CHMP5: variants seen among roughly 807,000 people sequenced by gnomAD.
The protein encoded by CHMP5 is SNF7 domain containing 2.
A neutral mutation model predicts 33.0 loss-of-function variants in CHMP5; 17 were observed. The ratio of observed to expected loss-of-function variants is 0.52; its 90% CI spans 0.35 to 0.77. The LOEUF is 0.77. CHMP5 is among the 30% of genes least tolerant of loss of function. CHMP5 has a pLI of 0.01. For missense variants in CHMP5, 216 were observed against 261.5 expected (o/e 0.83, Z 1.20); for synonymous variants, 76 against 90.2 (o/e 0.84, Z 0.89).
chr9:33,280,081 A>T (rs1180373523), intron 7 of CHMP5, among the ~76,000 whole-genome samples: 2 of 151,928 alleles, frequency 1.3e-5, no homozygotes, highest in African/African-American at 4.8e-5. Flanking sequence ...GATTCAAGCA[A>T]TCCACCCACC....
intron 5 of CHMP5, 86 bp downstream of exon 5, chr9:33,271,309 G>T: frequency 9.5e-7 from 1 of 1,057,488 alleles, no homozygotes. Context: ...AAGAGCACAG[G>T]AGAGGAACTG....
At chr9:33,273,520 A>C (rs1043538486) in intron 5 of CHMP5, among the ~76,000 whole-genome samples, 3 of 149,882 alleles carry the variant, frequency 2.0e-5, no homozygotes, top group African/African-American at 7.4e-5. Context: ...AGCCCCTTTA[A>C]CTCTTTTGGT....
At chr9:33,275,902 T>G (rs1820848815) in intron 5 of CHMP5, among the ~76,000 whole-genome samples, 1 of 152,096 alleles carries the variant, frequency 6.6e-6, no homozygotes, top group Non-Finnish European at 1.5e-5. Context: ...GTCAGCTATT[T>G]GGAGGCTGAG....
chr9:33,271,211 C>G lies in CHMP5; in HGVS notation c.375C>G (p.Ile125Met). Residue 125 changes from isoleucine (I) to methionine (M), a missense_variant, in exon 5 of 8, where the codon ATC (isoleucine) becomes ATG (methionine). Coordinates refer to ENST00000223500, the MANE Select transcript of CHMP5 (RefSeq NM_016410.6). ...AGAAGGCATACAAGCAAGTGAAGAT[C>G]GACCAGATTGAGGTGAGACATATGC... is the stretch of plus-strand genomic sequence containing the variant. ...EMKKAYKQVK[I>M]DQIEDLQDQL... The G allele has an allele frequency of 2.5e-6, 4 of 1,613,258 alleles. No individual in the cohort carries two copies. The highest frequency in any genetic ancestry group is 4.5e-5 in the East Asian group (2 of 44,882).
chr9:33,266,015 C>T lies in CHMP5; in HGVS notation c.75C>T (p.Asp25=). 6.2e-7 allele frequency: 1 copy of T among 1,608,486 alleles called. No individual in the cohort carries two copies. Among genetic ancestry groups the T allele is most frequent in the Non-Finnish European group, 8.5e-7 (1 of 1,175,250 alleles). ...PSLTDCIGTV[D]SRAESIDKKI... Reference sequence around the variant, plus strand: ...ATTTGATATTTTCCCCTAAGGTGGACAGTAGAGCAGAATCCATTGACAAGA... The same window carrying T: ...ATTTGATATTTTCCCCTAAGGTGGATAGTAGAGCAGAATCCATTGACAAGA... The change falls in exon 2 of 8, where the codon GAC becomes GAT. Residue 25 remains aspartate (D), a synonymous_variant. Coordinates refer to ENST00000223500, the MANE Select transcript of CHMP5 (RefSeq NM_016410.6).
chr9:33,269,975 A>T (rs75024251), intron 3 of CHMP5, among the ~76,000 whole-genome samples: 1 of 151,766 alleles, frequency 6.6e-6, no homozygotes, highest in East Asian at 1.9e-4. Flanking sequence ...ACTCTGTCTC[A>T]AAAAAAAAGA....
Position 33,278,104 on chromosome 9 carries a change from C to G in CHMP5, c.497-9C>G. 1 of 1,567,144 alleles carries G rather than the reference C, an allele frequency of 6.4e-7. No individual in the cohort carries two copies. Among genetic ancestry groups the G allele is most frequent in the Non-Finnish European group, 8.8e-7 (1 of 1,141,850 alleles). On this transcript the variant is annotated splice_polypyrimidine_tract_variant and intron_variant, in intron 6 of 7. Coordinates refer to ENST00000223500, the MANE Select transcript of CHMP5 (RefSeq NM_016410.6). ...CATTTTTTTTAAATGTTGACTGTTT[C>G]AATCTCAGAGTTGGATGCACTAGGT...
Position 33,281,990 on chromosome 9 carries a change from C to G in CHMP5, c.*1131C>G, listed in dbSNP as rs1820927288. On this transcript the variant is annotated 3_prime_UTR_variant, in exon 8 of 8. Coordinates refer to ENST00000223500, the MANE Select transcript of CHMP5 (RefSeq NM_016410.6). Reference sequence around the variant, plus strand: ...TTGCCAACAGCATGGCCCCTCCAGCCTAGCTGGGTGCCTCACAGTGCTATG... The same window carrying G: ...TTGCCAACAGCATGGCCCCTCCAGCGTAGCTGGGTGCCTCACAGTGCTATG... The G allele has an allele frequency of 6.6e-6, 1 of 152,236 alleles. No individual in the cohort carries two copies. The highest frequency in any genetic ancestry group is 2.1e-4 in the South Asian group (1 of 4,838). 9.4% of individuals were successfully genotyped at this position (152,236 alleles called of 1,614,324 possible).
At chr9:33,275,131 G>T (rs1051725129) in intron 5 of CHMP5, among the ~76,000 whole-genome samples, 1 of 152,130 alleles carries the variant, frequency 6.6e-6, no homozygotes, top group African/African-American at 2.4e-5. Context: ...AGTTTGAACT[G>T]CACGAGTCAC....
chr9:33,270,833 A>G (rs1049855621), intron 4 of CHMP5, 117 bp downstream of exon 4: 36 of 824,428 alleles, frequency 4.4e-5, no homozygotes, highest in Non-Finnish European at 9.9e-6. Flanking sequence ...TGTAATCCCA[A>G]CACTTTGGGA....
At chr9:33,269,241 A>T (rs1587797165) in intron 3 of CHMP5, among the ~76,000 whole-genome samples, 1 of 152,248 alleles carries the variant, frequency 6.6e-6, no homozygotes, top group East Asian at 1.9e-4. Flanking sequence ...ACAGTGGCTC[A>T]CACCTATAAT....
In CHMP5 at chr9:33,280,791, A is replaced by G. The variant is rs745569191; in HGVS notation, c.610-18A>G. 6.2e-7 allele frequency: 1 copy of G among 1,600,666 alleles called. No individual in the cohort carries two copies. Among genetic ancestry groups the G allele is most frequent in the Non-Finnish European group, 8.5e-7 (1 of 1,174,176 alleles). On this transcript the variant is annotated intron_variant, in intron 7 of 7. Coordinates refer to ENST00000223500, the MANE Select transcript of CHMP5 (RefSeq NM_016410.6). ...AAATAGAAAAATAGTGGCACTAAAC[A>G]TTGCTTCCTTTTTACAGGATGGAGT...
chr9:33,266,554 CAT>C (rs1283910828), intron 2 of CHMP5, among the ~76,000 whole-genome samples: 1 of 152,090 alleles, frequency 6.6e-6, no homozygotes, highest in Non-Finnish European at 1.5e-5. Context: ...AAGGAGAAAA[CAT>C]GTGAGGGTGT....
rs754093610 is a variant in CHMP5 at position 33,265,050 on chromosome 9, G to A, written c.-29G>A. On this transcript the variant is annotated 5_prime_UTR_variant, in exon 1 of 8. In the 5' UTR this introduces an upstream ATG that the reference lacks. Transcript: ENST00000223500. ...TGCTTCCGTTTCTGGTTTTGCTCTA[G>A]TGTTTGGGTTTCTTCGCGGCTGCTC... The A allele has an allele frequency of 1.9e-6, 3 of 1,613,854 alleles. No individual in the cohort carries two copies. The highest frequency in any genetic ancestry group is 2.5e-6 in the Non-Finnish European group (3 of 1,179,824).
At chr9:33,274,936 C>A (rs1016056612) in intron 5 of CHMP5, among the ~76,000 whole-genome samples, 1 of 152,100 alleles carries the variant, frequency 6.6e-6, no homozygotes, top group East Asian at 1.9e-4. Context: ...ATTAATAATT[C>A]CATTTTACAG....
At chr9:33,265,939 CCT>C (rs1215246705) in intron 1 of CHMP5, 69 bp from the exon 2 acceptor site, 14 of 957,182 alleles carry the variant, frequency 1.5e-5, no homozygotes, top group Non-Finnish European at 2.3e-5. Context: ...TGTATTCCTT[CCT>C]CTCTACCTGC....
chr9:33,275,995 C>T (rs1005700070), intron 5 of CHMP5, among the ~76,000 whole-genome samples: 5 of 151,984 alleles, frequency 3.3e-5, no homozygotes, highest in South Asian at 2.1e-4. Context: ...GGTGACAAAG[C>T]GAGACTCCAT....
At chr9:33,268,637 A>C (rs1277052875) in intron 3 of CHMP5, among the ~76,000 whole-genome samples, 1 of 152,248 alleles carries the variant, frequency 6.6e-6, no homozygotes, top group Non-Finnish European at 1.5e-5. Flanking sequence ...TGTAATGCCT[A>C]GACTGGTGAG....
chr9:33,279,051 G>A (rs1820888735), intron 7 of CHMP5, among the ~76,000 whole-genome samples: 1 of 152,070 alleles, frequency 6.6e-6, no homozygotes, highest in Non-Finnish European at 1.5e-5. Flanking sequence ...AGCCACCCCA[G>A]GTAGCTGCGA....
Sources: gnomAD v4.1 joint callset for allele counts (sites outside exome capture counted in the v4.1 genomes callset) on GRCh38, gnomAD v4.1.1 for gene constraint, MANE v1.5 for transcripts, NCBI Gene and HGNC (gene_info 2026-07-23, HGNC 2026-07-21) for gene names.